Variants in ATP11A observed in about 807,000 individuals in gnomAD.
ATP11A encodes ATPase phospholipid transporting 11A, also known as phospholipid-transporting ATPase IH.
A neutral mutation model predicts 154.4 loss-of-function variants in ATP11A; 81 were observed. The ratio of observed to expected loss-of-function variants is 0.52; its 90% CI spans 0.44 to 0.63. The LOEUF (loss-of-function observed/expected upper bound fraction) is 0.63, where lower values mean the gene tolerates loss of function less well. ATP11A is among the 30% of genes least tolerant of loss of function. The pLI is 0.00. For synonymous variants in ATP11A, 623 were observed against 585.9 expected (o/e 1.06, Z -0.91); for missense variants, 1,316 against 1,474.3 (o/e 0.89, Z 1.76).
chr13:112,789,187 CTTAA>C (rs1163969553), intron 2 of ATP11A, among the ~76,000 whole-genome samples: 1 of 150,904 alleles, frequency 6.6e-6, no homozygotes, highest in Non-Finnish European at 1.5e-5. Flanking sequence ...TGGAGACCTA[CTTAA>C]TTCACACCAG....
At chr13:112,820,334 TGGA>T (rs1210056309) in intron 8 of ATP11A, among the ~76,000 whole-genome samples, 1 of 152,228 alleles carries the variant, frequency 6.6e-6, no homozygotes, top group African/African-American at 2.4e-5. Flanking sequence ...ACTTCTAATT[TGGA>T]GGCCGTTTTT....
intron 1 of ATP11A, among the ~76,000 whole-genome samples, chr13:112,774,234 TCTTTA>T (rs1454067655): frequency 2.6e-5 from 4 of 152,242 alleles, no homozygotes; most frequent in Admixed American, 2.6e-4. Context: ...CCAGGATTTG[TCTTTA>T]CTTGTCACAT....
intron 29 of ATP11A, chr13:112,881,635 G>T (rs1278768): frequency 1.4e-5 from 17 of 1,191,070 alleles, no homozygotes; most frequent in Admixed American, 3.5e-5. Context: ...GCCTCCATAT[G>T]GCTTCTCTGG....
intron 1 of ATP11A, among the ~76,000 whole-genome samples, chr13:112,756,832 C>G (rs531078605): frequency 6.6e-6 from 1 of 151,732 alleles, no homozygotes; most frequent in African/African-American, 2.4e-5. Context: ...GCTCCCAGCA[C>G]GGGGCCTGCT....
intron 26 of ATP11A, 145 bp from the exon 27 acceptor site, chr13:112,873,426 GCC>G (rs2080607143): frequency 1.7e-6 from 1 of 594,072 alleles, no homozygotes; most frequent in African/African-American, 1.9e-5. Flanking sequence ...GTCTTCCTGA[GCC>G]GTGTTTTGCA....
chr13:112,717,048 A>C (rs1407502688), intron 1 of ATP11A, among the ~76,000 whole-genome samples: 1 of 152,172 alleles, frequency 6.6e-6, no homozygotes, highest in African/African-American at 2.4e-5. Context: ...AGTGGGGGAC[A>C]CGAGTATGTT....
chr13:112,833,509 T>C (rs147332591), intron 14 of ATP11A, among the ~76,000 whole-genome samples: 49 of 152,234 alleles, frequency 3.2e-4, no homozygotes, highest in Admixed American at 3.9e-4. Flanking sequence ...TCCAGATACA[T>C]GGCATAATTT....
intron 13 of ATP11A, among the ~76,000 whole-genome samples, chr13:112,832,436 C>T (rs911964991): frequency 2.0e-5 from 3 of 152,208 alleles, no homozygotes; most frequent in Non-Finnish European, 2.9e-5. Context: ...GTCTAACACA[C>T]GCTTTGGTTA....
intron 1 of ATP11A, among the ~76,000 whole-genome samples, chr13:112,723,102 G>A (rs1030527132): frequency 3.9e-5 from 6 of 152,068 alleles, no homozygotes; most frequent in African/African-American, 1.4e-4. Context: ...TCTGACGCCC[G>A]CAGGCGGGAC....
At chr13:112,790,055 T>G (rs2077801285) in intron 2 of ATP11A, among the ~76,000 whole-genome samples, 1 of 151,150 alleles carries the variant, frequency 6.6e-6, no homozygotes. Flanking sequence ...CCTACTTAAT[T>G]CACACCCGGC....
rs551391268 is a variant in ATP11A at position 112,823,249 on chromosome 13, C to T, written c.726-96C>T. On this transcript the variant is annotated intron_variant, in intron 8 of 29. Transcript: ENST00000375645. ...CCATCTCCTCTGAAAATGAGATCTG[C>T]TGAGCAAACAAGTGGGTTTCACGTC... is the stretch of plus-strand genomic sequence containing the variant. The T allele has an allele frequency of 4.5e-4, 393 of 881,884 alleles. 2 individuals are homozygous for T. In the East Asian group the frequency reaches 9.4e-3, roughly 21 times the overall value. The allele number at this position is 881,884 out of a possible 1,614,324, so 54.6% of individuals were successfully genotyped here. A position where few individuals can be genotyped will look rare whatever the true frequency, so the allele number is the denominator to read the frequency against.
At chr13:112,804,841 A>T in intron 2 of ATP11A, 116 bp from the exon 3 acceptor site, 1 of 571,840 alleles carries the variant, frequency 1.7e-6, no homozygotes, top group South Asian at 2.9e-5. Context: ...TGAGTTTTAT[A>T]TCTAAAGCTA....
At chr13:112,813,240 G>T (rs890225913) in intron 5 of ATP11A, among the ~76,000 whole-genome samples, 18 of 152,138 alleles carry the variant, frequency 1.2e-4, no homozygotes, top group African/African-American at 4.1e-4. Flanking sequence ...TTATTTCGAG[G>T]TAATTACGGG....
At chr13:112,863,697 C>A (rs2080208347) in intron 25 of ATP11A, among the ~76,000 whole-genome samples, 1 of 128,680 alleles carries the variant, frequency 7.8e-6, no homozygotes, top group African/African-American at 3.0e-5. Flanking sequence ...TCAGTGCAGG[C>A]CTGCGCAGCT....
chr13:112,786,127 C>T (rs1435707376), intron 2 of ATP11A, among the ~76,000 whole-genome samples: 1 of 56,340 alleles, frequency 1.8e-5, no homozygotes, highest in East Asian at 4.1e-4. Context: ...CACGCGTGGA[C>T]GGGCTGCACA....
At position 112,862,436 on chromosome 13, in the gene ATP11A, C is replaced by T. The variant is rs2080139439; in HGVS notation, c.2856-4C>T. On this transcript the variant is annotated splice_polypyrimidine_tract_variant and splice_region_variant and intron_variant, in intron 24 of 29. Coordinates refer to ENST00000375645, the MANE Select transcript of ATP11A (RefSeq NM_015205.3). The stretch of plus-strand genomic sequence containing the variant: ...CACACGCTGTGCACCTTTCTCCTCA[C>T]CAGGGACGTCGCCAAGAATGCCCTG... 1.2e-6 allele frequency: 2 copies of T among 1,613,436 alleles called. No homozygotes were observed. The highest frequency in any genetic ancestry group is 1.8e-4 in the Middle Eastern group (1 of 5,576).
intron 5 of ATP11A, among the ~76,000 whole-genome samples, chr13:112,815,459 C>A (rs1463713629): frequency 6.6e-6 from 1 of 152,028 alleles, no homozygotes; most frequent in African/African-American, 2.4e-5. Flanking sequence ...CTTCCTCATC[C>A]TTCAGACACA....
chr13:112,862,430 T>C lies in ATP11A; in HGVS notation c.2856-10T>C. On this transcript the variant is annotated splice_polypyrimidine_tract_variant and intron_variant, in intron 24 of 29. Coordinates refer to ENST00000375645, the MANE Select transcript of ATP11A (RefSeq NM_015205.3). The stretch of plus-strand genomic sequence containing the variant: ...CGAGGACACACGCTGTGCACCTTTC[T>C]CCTCACCAGGGACGTCGCCAAGAAT... 1 of 1,613,246 alleles carries C rather than the reference T, an allele frequency of 6.2e-7. No individual in the cohort carries two copies. The highest frequency in any genetic ancestry group is 8.5e-7 in the Non-Finnish European group (1 of 1,179,924).
At chr13:112,715,118 G>C (rs1888273516) in intron 1 of ATP11A, among the ~76,000 whole-genome samples, 1 of 152,168 alleles carries the variant, frequency 6.6e-6, no homozygotes, top group South Asian at 2.1e-4. Flanking sequence ...CCTTTGCATG[G>C]ATATACCACG....
Sources: allele counts gnomAD v4.1 joint callset (sites outside exome capture counted in the v4.1 genomes callset), GRCh38; gene constraint gnomAD v4.1.1; transcripts MANE v1.5; gene names NCBI Gene and HGNC (gene_info 2026-07-23, HGNC 2026-07-21).